The following NTN4 variants were observed in gnomAD, a reference collection of about 807,000 sequenced individuals.
NTN4 encodes the protein netrin-4.
Under a neutral mutation model 73.6 loss-of-function variants are expected in NTN4, and 32 were observed. The ratio of observed to expected loss-of-function variants is 0.44; its 90% CI spans 0.33 to 0.58. The LOEUF (loss-of-function observed/expected upper bound fraction) is 0.58, where lower values mean the gene tolerates loss of function less well. Ranked by LOEUF, NTN4 falls within the 20% of genes least tolerant of loss-of-function variation. The pLI is 0.04. For missense variants in NTN4, 654 were observed against 798.3 expected, an observed-to-expected ratio of 0.82 and a Z score of 2.18; for synonymous variants, 258 against 287.5, an observed-to-expected ratio of 0.90 and a Z score of 1.04.
intron 3 of NTN4, among the ~76,000 whole-genome samples, chr12:95,730,704 C>A (rs562439127): frequency 2.0e-5 from 3 of 152,276 alleles, no homozygotes; most frequent in South Asian, 2.1e-4. Context: ...TTCTATAGCA[C>A]CTGTGGTTAC....
intron 2 of NTN4, among the ~76,000 whole-genome samples, chr12:95,742,751 AG>A (rs1333287551): frequency 6.6e-6 from 1 of 152,234 alleles, no homozygotes; most frequent in African/African-American, 2.4e-5. Flanking sequence ...CTCAGAGGGC[AG>A]GGATCCTGTT....
chr12:95,787,341 G>A lies in NTN4; in HGVS notation c.183C>T (p.Tyr61=). 1 of 1,614,230 alleles carries A rather than the reference G, an allele frequency of 6.2e-7. No homozygotes were observed. The highest frequency in any genetic ancestry group is 8.5e-7 in the Non-Finnish European group (1 of 1,180,036). ...TTCGQNATEL[Y]CFYSENTDLT... ...GATCCGTGTTCTCACTGTAGAAGCA[G>A]TACAGTTCGGTAGCATTCTGACCGC... Residue 61 remains tyrosine (Y), a synonymous_variant, in exon 2 of 10, where the codon TAC becomes TAT. Coordinates refer to ENST00000343702, the MANE Select transcript of NTN4 (RefSeq NM_021229.4).
At chr12:95,707,546 C>T (rs2078529698) in intron 5 of NTN4, among the ~76,000 whole-genome samples, 1 of 152,112 alleles carries the variant, frequency 6.6e-6, no homozygotes, top group Non-Finnish European at 1.5e-5. Context: ...TTCCCTGGAT[C>T]CCTTCCCTCT....
chr12:95,666,377 T>C (rs975041148), intron 8 of NTN4, among the ~76,000 whole-genome samples: 15 of 152,092 alleles, frequency 9.9e-5, no homozygotes, highest in Non-Finnish European at 2.1e-4. Flanking sequence ...AAAGAACTCA[T>C]CCATGTAACC....
chr12:95,684,131 T>G (rs1014097895), intron 5 of NTN4, among the ~76,000 whole-genome samples: 5 of 152,054 alleles, frequency 3.3e-5, no homozygotes, highest in African/African-American at 9.7e-5. Context: ...TCAAAGAAGA[T>G]GGGGCATGTG....
intron 7 of NTN4, among the ~76,000 whole-genome samples, chr12:95,682,167 C>T (rs1320743310): frequency 7.0e-6 from 1 of 143,718 alleles, no homozygotes; most frequent in African/African-American, 2.6e-5. Flanking sequence ...AGTGATCCTC[C>T]CACCTTAGCC....
At chr12:95,769,705 GACTCAGCTGTTGTT>G (rs2079043303) in intron 2 of NTN4, among the ~76,000 whole-genome samples, 1 of 146,492 alleles carries the variant, frequency 6.8e-6, no homozygotes, top group South Asian at 2.4e-4. Context: ...GATTGGTCAA[GACTCAGCTGTTGTT>G]ACAGGTGCAT....
chr12:95,774,013 T>G (rs1391480518), intron 2 of NTN4, among the ~76,000 whole-genome samples: 1 of 152,158 alleles, frequency 6.6e-6, no homozygotes, highest in East Asian at 1.9e-4. Flanking sequence ...TAACACTAAG[T>G]GCAAAGAGCC....
intron 2 of NTN4, among the ~76,000 whole-genome samples, chr12:95,744,497 T>C (rs10859931): frequency 0.52 from 78,725 of 151,976 alleles, 22,658 homozygotes; most frequent in Non-Finnish European, 0.65. Flanking sequence ...CTTTTACATT[T>C]AATGTGATTG....
chr12:95,725,272 G>C (rs1386122761), intron 3 of NTN4, among the ~76,000 whole-genome samples: 1 of 152,088 alleles, frequency 6.6e-6, no homozygotes. Flanking sequence ...CAACTTATCT[G>C]TCAAGTAGTG....
intron 2 of NTN4, among the ~76,000 whole-genome samples, chr12:95,763,896 T>G (rs541824083): frequency 7.2e-5 from 11 of 152,296 alleles, no homozygotes; most frequent in African/African-American, 2.4e-4. Flanking sequence ...ATTATTTACA[T>G]AGCCTCTTGA....
Position 95,790,628 on chromosome 12 carries a change from G to C in NTN4, c.-319C>G. ...CTGCGGGCTCGTCTGCCGCTAGCCCGGGGCTCGGCGCCCGCAGCCGCCGCT... is the reference window on the plus strand; with the variant it reads ...CTGCGGGCTCGTCTGCCGCTAGCCCCGGGCTCGGCGCCCGCAGCCGCCGCT... On this transcript the variant is annotated 5_prime_UTR_variant, in exon 1 of 10. Coordinates refer to ENST00000343702, the MANE Select transcript of NTN4 (RefSeq NM_021229.4). The surrounding 1 kb of genome is among the most constrained non-coding windows in gnomAD (Gnocchi z 6.5). 2.0e-5 allele frequency: 4 copies of C among 203,266 alleles called. No individual in the cohort carries two copies. Among genetic ancestry groups the C allele is most frequent in the East Asian group, 1.1e-4 (1 of 9,012 alleles). The allele number at this position is 203,266 out of a possible 1,614,324, so 12.6% of individuals were successfully genotyped here. A position where few individuals can be genotyped will look rare whatever the true frequency, so the allele number is the denominator to read the frequency against.
chr12:95,672,380 C>A, intron 7 of NTN4: 1 of 866,168 alleles, frequency 1.2e-6, no homozygotes, highest in Middle Eastern at 3.3e-4. Flanking sequence ...GCAGCTGGTA[C>A]GACTCCGACC....
At chr12:95,739,201 T>C (rs928784128) in intron 2 of NTN4, among the ~76,000 whole-genome samples, 1 of 152,240 alleles carries the variant, frequency 6.6e-6, no homozygotes, top group Non-Finnish European at 1.5e-5. Context: ...GGCATTTGTG[T>C]AATAGGTGAG....
intron 2 of NTN4, among the ~76,000 whole-genome samples, chr12:95,769,501 C>A (rs2079041281): frequency 6.8e-6 from 1 of 146,688 alleles, no homozygotes; most frequent in African/African-American, 2.5e-5. Flanking sequence ...GGAATCACAG[C>A]TGATTCAGAG....
At chr12:95,741,471 A>ATC (rs1565903725) in intron 2 of NTN4, among the ~76,000 whole-genome samples, 1 of 99,810 alleles carries the variant, frequency 1.0e-5, no homozygotes. Flanking sequence ...ATATATATAT[A>ATC]TATCTCCTCC....
chr12:95,725,305 G>T (rs2078684538), intron 3 of NTN4, among the ~76,000 whole-genome samples: 2 of 152,236 alleles, frequency 1.3e-5, no homozygotes, highest in South Asian at 4.1e-4. Context: ...GGAAGGTGTT[G>T]TAGGGTTTTA....
At chr12:95,769,648 A>G (rs10859944) in intron 2 of NTN4, among the ~76,000 whole-genome samples, 51,806 of 151,590 alleles carry the variant, frequency 0.34, 9,418 homozygotes, top group East Asian at 0.6. Flanking sequence ...ATTTGAACAC[A>G]GTTTGAACAT....
At chr12:95,700,869 A>G (rs1433067565) in intron 5 of NTN4, among the ~76,000 whole-genome samples, 1 of 127,814 alleles carries the variant, frequency 7.8e-6, no homozygotes, top group Non-Finnish European at 1.5e-5. Flanking sequence ...GTTGGAGTGC[A>G]GTGGTGCAAT....
Sources: gnomAD v4.1 joint callset for allele counts (sites outside exome capture counted in the v4.1 genomes callset) on GRCh38, gnomAD v4.1.1 for gene constraint, Gnocchi (gnomAD v3.1) non-coding constraint, MANE v1.5 for transcripts, NCBI Gene and HGNC (gene_info 2026-07-23, HGNC 2026-07-21) for gene names.